Variants in NXF1 observed in about 807,000 individuals in gnomAD.
NXF1 encodes mRNA export factor TAP.
Under a neutral mutation model 92.4 loss-of-function variants are expected in NXF1, and 43 were observed. The observed-to-expected ratio is 0.47, with a 90% CI of 0.36 to 0.60. The LOEUF (loss-of-function observed/expected upper bound fraction) is 0.60, where lower values mean the gene tolerates loss of function less well. Among genes scored for constraint, NXF1 ranks in the 20% least tolerant of loss-of-function variants. The probability of loss-of-function intolerance (pLI) is 0.00; values close to 1 mark genes in which losing one functional copy is unlikely to be tolerated. For missense variants in NXF1, 576 were observed against 793.0 expected, an observed-to-expected ratio of 0.73 and a Z score of 3.29; for synonymous variants, 288 against 292.2, an observed-to-expected ratio of 0.99 and a Z score of 0.15.
intron 11 of NXF1, among the ~76,000 whole-genome samples, chr11:62,798,240 G>C (rs2850598): frequency 0.91 from 137,395 of 151,768 alleles, 63,095 homozygotes; most frequent in East Asian, 1. Flanking sequence ...CCAGCCTGGC[G>C]AACATGGTGA....
At position 62,794,409 on chromosome 11, in the gene NXF1, G is replaced by A; in HGVS notation, c.1609C>T (p.Arg537Trp). The change falls in exon 19 of 21, where the codon CGG (arginine) becomes TGG (tryptophan). Residue 537 changes from arginine to tryptophan, a missense_variant. Arg to Trp is a moderately radical substitution (Grantham distance 101). Around this residue, in one of 2 missense-constraint regions of NXF1, gnomAD observed 425 missense variants for 635.2 expected, o/e 0.67. Coordinates refer to ENST00000294172, the MANE Select transcript of NXF1 (RefSeq NM_006362.5). ...TGGATCTCTTCAGAACTGGCATTCC[G>A]CACAAATAGCTCATCATTTACAATA... ...LCIVNDELFV[R>W]NASSEEIQRA... The A allele has an allele frequency of 1.2e-6, 2 of 1,613,750 alleles. No homozygotes were observed. The highest frequency in any genetic ancestry group is 1.7e-6 in the Non-Finnish European group (2 of 1,179,736).
chr11:62,794,022 T>A (rs888253022), intron 19 of NXF1, among the ~76,000 whole-genome samples: 1 of 148,486 alleles, frequency 6.7e-6, no homozygotes, highest in Non-Finnish European at 1.5e-5. Flanking sequence ...AATAATAAAA[T>A]AAAATAAGGT....
chr11:62,802,368 G>A (rs1290700325), intron 3 of NXF1, 108 bp from the exon 4 acceptor site: 1 of 826,008 alleles, frequency 1.2e-6, no homozygotes, highest in Non-Finnish European at 2.0e-6. Flanking sequence ...ACTATCTAAA[G>A]AAAGGACCAG....
At chr11:62,804,724 G>A (rs540801152) in intron 1 of NXF1, among the ~76,000 whole-genome samples, 1 of 152,282 alleles carries the variant, frequency 6.6e-6, no homozygotes, top group Non-Finnish European at 1.5e-5. Flanking sequence ...CTATGCTTCA[G>A]GCACTTGATA....
chr11:62,792,877 C>A, intron 19 of NXF1, 176 bp from the exon 20 acceptor site: 1 of 606,684 alleles, frequency 1.6e-6, no homozygotes, highest in Non-Finnish European at 2.9e-6. Flanking sequence ...AATGGCTTCT[C>A]AAAGATAAGG....
chr11:62,795,750 T>G, intron 17 of NXF1, 151 bp downstream of exon 17: 1 of 738,918 alleles, frequency 1.4e-6, no homozygotes, highest in Non-Finnish European at 2.3e-6. Flanking sequence ...GGTGGAGAGG[T>G]AGGCCAAGCC....
chr11:62,799,790 C>A, intron 10 of NXF1: 1 of 985,858 alleles, frequency 1.0e-6, no homozygotes, highest in Admixed American at 6.1e-5. Flanking sequence ...AGGGAGAGCC[C>A]AGCTCATAGC....
intron 1 of NXF1, among the ~76,000 whole-genome samples, chr11:62,804,550 A>G (rs61088491): frequency 0.026 from 3,943 of 152,280 alleles, 187 homozygotes; most frequent in African/African-American, 0.091. Context: ...CTTCTGATTC[A>G]TGCTGTGTAG....
chr11:62,801,850 C>G (rs1159670200), intron 5 of NXF1, 31 bp from the exon 6 acceptor site: 3 of 1,608,422 alleles, frequency 1.9e-6, no homozygotes, highest in African/African-American at 2.7e-5. Context: ...GCACAGAAAA[C>G]TCTAGGGAAG....
intron 11 of NXF1, 31 bp from the exon 12 acceptor site, chr11:62,797,417 A>G: frequency 6.3e-7 from 1 of 1,599,962 alleles, no homozygotes; most frequent in Non-Finnish European, 8.5e-7. Flanking sequence ...TTGACAGTGT[A>G]GACTGGGCCC....
intron 1 of NXF1, 151 bp from the exon 2 acceptor site, chr11:62,804,129 A>T (rs1369505455): frequency 6.4e-7 from 1 of 1,552,806 alleles, no homozygotes; most frequent in Non-Finnish European, 8.7e-7. Flanking sequence ...TATCCACAGG[A>T]AAGAACCCTC....
rs368347875 is a variant in NXF1 at position 62,797,151 on chromosome 11, G to A, written c.1178+32C>T. 3.1e-5 allele frequency: 50 copies of A among 1,598,432 alleles called. No homozygotes were observed. In the East Asian group the frequency reaches 4.7e-4, roughly 15 times the overall value. ...CTGCCCACCATTCCCCCTCAACCTC[G>A]GGGTGGGGAGGGGGGACCCTGGGAT... On this transcript the variant is annotated intron_variant, in intron 13 of 20. Transcript: ENST00000294172.
intron 11 of NXF1, among the ~76,000 whole-genome samples, chr11:62,798,049 C>A (rs1372520856): frequency 6.7e-6 from 1 of 150,342 alleles, no homozygotes; most frequent in Non-Finnish European, 1.5e-5. Context: ...AGGAGAATCA[C>A]TTGAACCCAG....
chr11:62,800,297 C>T (rs540262052), intron 10 of NXF1, 80 bp downstream of exon 10: 17 of 1,600,630 alleles, frequency 1.1e-5, no homozygotes, highest in African/African-American at 9.4e-5. Flanking sequence ...TCTCCGCAGA[C>T]GGGCCCTGGT....
At chr11:62,799,189 G>T in intron 10 of NXF1, 1 of 985,530 alleles carries the variant, frequency 1.0e-6, no homozygotes, top group Non-Finnish European at 1.2e-6. Flanking sequence ...AAAAGAGAAA[G>T]AACTACAAGG....
At chr11:62,802,085 A>C in intron 4 of NXF1, 39 bp from the exon 5 acceptor site, 5 of 1,608,696 alleles carry the variant, frequency 3.1e-6, no homozygotes, top group Non-Finnish European at 4.3e-6. Context: ...GGGAGTCCAG[A>C]GCCCTTGGGG....
In NXF1 at chr11:62,803,805, G is replaced by T. The variant is rs769695374; in HGVS notation, c.202C>A (p.Pro68Thr). 5.6e-6 allele frequency: 9 copies of T among 1,613,716 alleles called. No individual in the cohort carries two copies. In the South Asian group the frequency reaches 6.6e-5, roughly 12 times the overall value. The change falls in exon 2 of 21, where the codon CCC (proline) becomes ACC (threonine). Residue 68 changes from proline to threonine, a missense_variant. Coordinates refer to ENST00000294172, the MANE Select transcript of NXF1 (RefSeq NM_006362.5). ...DVAMSDAQDGPRVRYNPYTTR... is the reference protein window; with the variant it reads ...DVAMSDAQDGTRVRYNPYTTR... Reference sequence around the variant, plus strand: ...CTGGTCACTCACTATCGTACTCGGGGACCATCCTGGGCATCACTCATTGCC... The same window carrying T: ...CTGGTCACTCACTATCGTACTCGGGTACCATCCTGGGCATCACTCATTGCC...
chr11:62,797,709 A>G (rs1315098676), intron 11 of NXF1, among the ~76,000 whole-genome samples: 2 of 152,210 alleles, frequency 1.3e-5, no homozygotes, highest in African/African-American at 4.8e-5. Flanking sequence ...CTGTCTCAAA[A>G]AACAAAACAA....
At chr11:62,803,375 GCCT>G (rs1464833389) in intron 3 of NXF1, 41 bp downstream of exon 3, 2 of 1,507,384 alleles carry the variant, frequency 1.3e-6, no homozygotes, top group Non-Finnish European at 1.8e-6. Flanking sequence ...TCTCAGCGTG[GCCT>G]CCTATCTCTA....
Sources: allele counts gnomAD v4.1 joint callset (sites outside exome capture counted in the v4.1 genomes callset), GRCh38; gene constraint gnomAD v4.1.1; regional missense constraint gnomAD v4.1.1; transcripts MANE v1.5; gene names NCBI Gene and HGNC (gene_info 2026-07-23, HGNC 2026-07-21).